The following GPR4 variants were observed in gnomAD, a reference collection of about 807,000 sequenced individuals.
GPR4 encodes the protein G protein-coupled receptor 4.
GPR4 carries 11 observed loss-of-function variants against 17.8 expected under a neutral mutation model. The ratio of observed to expected loss-of-function variants is 0.62; its 90% confidence interval spans 0.39 to 1.02. The LOEUF is 1.02. Ranked by LOEUF, GPR4 falls within the 50% of genes least tolerant of loss-of-function variation. The probability of loss-of-function intolerance (pLI) is 0.00; values close to 1 mark genes in which losing one functional copy is unlikely to be tolerated. For synonymous variants in GPR4, 219 were observed against 222.8 expected, an observed-to-expected ratio of 0.98 and a Z score of 0.15; for missense variants, 364 against 495.4, an observed-to-expected ratio of 0.73 and a Z score of 2.52.
At position 45,592,078 on chromosome 19, in the gene GPR4, A is replaced by C. The variant is rs11881023; in HGVS notation, c.-212T>G. The C allele has an allele frequency of 5.7e-4, 291 of 509,682 alleles. 2 individuals are homozygous for C. Among genetic ancestry groups the C allele is most frequent in the African/African-American group, 4.7e-3 (240 of 50,550 alleles). 31.6% of individuals were successfully genotyped at this position (509,682 alleles called of 1,614,324 possible). On this transcript the variant is annotated 5_prime_UTR_variant, in exon 2 of 2. It adds an upstream start codon to the 5' untranslated region. Transcript: ENST00000323040. ...GAGGGAAAAGTTGGAGGAGGGATGG[A>C]ATTATGACAGGAGGGAAGTCTGGAG...
In GPR4 at chr19:45,591,507, G is replaced by A. The variant is rs1969994933; in HGVS notation, c.360C>T (p.Ala120=). 1.2e-6 allele frequency: 2 copies of A among 1,612,712 alleles called. No homozygotes were observed. Among genetic ancestry groups the A allele is most frequent in the Non-Finnish European group, 1.7e-6 (2 of 1,179,502 alleles). The change falls in exon 2 of 2, where the codon GCC becomes GCT. Residue 120 remains alanine (A), a synonymous_variant. Coordinates refer to ENST00000323040, the MANE Select transcript of GPR4 (RefSeq NM_005282.3). This position sits in a 1 kb window ranked among gnomAD's most constrained non-coding sequence, Gnocchi z 7.6. ...GCAGGCGGGCGAAGCGGAGTGGGTG[G>A]GCCACAGCCAGGTAGCGGTCCACCG... ...CISVDRYLAV[A]HPLRFARLRR... is the part of the protein sequence containing the mutation.
At position 45,591,564 on chromosome 19, in the gene GPR4, G is replaced by A. The variant is rs1412242479; in HGVS notation, c.303C>T (p.Ile101=). Residue 101 remains isoleucine (I), a synonymous_variant, in exon 2 of 2, where the codon ATC becomes ATT. Coordinates refer to ENST00000323040, the MANE Select transcript of GPR4 (RefSeq NM_005282.3). The surrounding 1 kb of genome is among the most constrained non-coding windows in gnomAD (Gnocchi z 7.6). The stretch of plus-strand genomic sequence containing the variant: ...AGCACAGGAAGGCGATGCTGATGTA[G>A]ATATTGGTGTAGAAGATGAACCCAA... ...KLFGFIFYTN[I]YISIAFLCCI... is the part of the protein sequence containing the mutation. 1 of 1,614,012 alleles carries A rather than the reference G, an allele frequency of 6.2e-7. No individual in the cohort carries two copies. The highest frequency in any genetic ancestry group is 1.7e-5 in the Admixed American group (1 of 60,010).
chr19:45,600,865 C>T (rs1319689187), intron 1 of GPR4, among the ~76,000 whole-genome samples: 2 of 152,160 alleles, frequency 1.3e-5, no homozygotes, highest in Admixed American at 1.3e-4. Flanking sequence ...ATCTGGAATT[C>T]CCAGGCCTCC....
chr19:45,596,422 C>T (rs975287735), intron 1 of GPR4, among the ~76,000 whole-genome samples: 2 of 152,136 alleles, frequency 1.3e-5, no homozygotes, highest in African/African-American at 4.8e-5. Context: ...TGAGGCTGGT[C>T]TCGAACTCCT....
At chr19:45,601,775 G>T (rs1412668739) in intron 1 of GPR4, among the ~76,000 whole-genome samples, 1 of 152,026 alleles carries the variant, frequency 6.6e-6, no homozygotes, top group Non-Finnish European at 1.5e-5. Flanking sequence ...AGGGGCAGAG[G>T]GAGGTGGGAC....
chr19:45,589,931 C>A lies in GPR4; in HGVS notation c.*847G>T. 1 of 152,436 alleles carries A rather than the reference C, an allele frequency of 6.6e-6. No homozygotes were observed. The allele number at this position is 152,436 out of a possible 1,614,324, so 9.4% of individuals were successfully genotyped here. A position where few individuals can be genotyped will look rare whatever the true frequency, so the allele number is the denominator to read the frequency against. ...GAATAAATACCCTTTCTTCTTGTCC[C>A]ACACCTTCTTCCCAAACCTTCTGGC... On this transcript the variant is annotated 3_prime_UTR_variant, in exon 2 of 2. Coordinates refer to ENST00000323040, the MANE Select transcript of GPR4 (RefSeq NM_005282.3).
Position 45,591,297 on chromosome 19 carries a change from G to A in GPR4, c.570C>T (p.Phe190=). Residue 190 remains phenylalanine (F), a synonymous_variant, in exon 2 of 2, where the codon TTC becomes TTT. Transcript: ENST00000323040. The surrounding 1 kb of genome is among the most constrained non-coding windows in gnomAD (Gnocchi z 7.6). The part of the protein sequence containing the change: ...WMNLYRVFVG[F]LFPWALMLLS... ...GCAGCATGAGCGCCCACGGGAAGAG[G>A]AAGCCCACGAACACCCGATAGAGGT... 3 of 1,612,890 alleles carry A rather than the reference G, an allele frequency of 1.9e-6. No individual in the cohort carries two copies. The highest frequency in any genetic ancestry group is 2.5e-6 in the Non-Finnish European group (3 of 1,179,830).
At chr19:45,596,956 A>G (rs1970064356) in intron 1 of GPR4, among the ~76,000 whole-genome samples, 1 of 152,226 alleles carries the variant, frequency 6.6e-6, no homozygotes, top group South Asian at 2.1e-4. Context: ...CTGCTGGGGC[A>G]GCCTAGCCAA....
In GPR4 at chr19:45,596,550, T is replaced by TTTTC. The variant is rs368380974; in HGVS notation, c.-831-3857_-831-3854dup. On this transcript the variant is annotated intron_variant, in intron 1 of 1. Coordinates refer to ENST00000323040, the MANE Select transcript of GPR4 (RefSeq NM_005282.3). ...ATCAGCTCTTTCTTTTCTTCTTTTC[T>TTTTC]TTTCTTTCTTTCTTTCTTTTTTTTG... Among the ~76,000 whole-genome samples, 5 of 151,768 alleles carry TTTTC rather than the reference T, an allele frequency of 3.3e-5. No homozygotes were observed. In the South Asian group the frequency reaches 1.0e-3, roughly 32 times the overall value.
intron 1 of GPR4, among the ~76,000 whole-genome samples, chr19:45,594,727 A>G (rs1970039655): frequency 6.9e-6 from 1 of 144,716 alleles, no homozygotes; most frequent in Admixed American, 6.9e-5. Flanking sequence ...TCATGCCTGT[A>G]ATCCCAGCAC....
At chr19:45,597,577 T>C (rs1288236978) in intron 1 of GPR4, among the ~76,000 whole-genome samples, 1 of 152,170 alleles carries the variant, frequency 6.6e-6, no homozygotes, top group Non-Finnish European at 1.5e-5. Context: ...AGGCCCAGCA[T>C]ACAGTAGGTG....
intron 1 of GPR4, among the ~76,000 whole-genome samples, chr19:45,599,914 A>G (rs944005241): frequency 1.6e-4 from 24 of 152,276 alleles, no homozygotes; most frequent in Middle Eastern, 3.4e-3. Context: ...TATGACTTTC[A>G]TAATCTATTA....
rs72050823 is a variant in GPR4 at position 45,595,275 on chromosome 19, CTAAATAAATAAA to C, written c.-831-2590_-831-2579del. ...TGGGCAACAAGAGCGAACTCCATCT[CTAAATAAATAAA>C]TAAATAAATAAATAAATAAATAAAT... On this transcript the variant is annotated intron_variant, in intron 1 of 1. Coordinates refer to ENST00000323040, the MANE Select transcript of GPR4 (RefSeq NM_005282.3). 4.4e-3 allele frequency among the ~76,000 whole-genome samples: 602 copies of C among 138,348 alleles called. 5 individuals carry two copies. Among genetic ancestry groups the C allele is most frequent in the African/African-American group, 0.013 (484 of 37,704 alleles). 90.8% of individuals were successfully genotyped at this position (138,348 alleles called of 152,430 possible).
chr19:45,590,430 C>A lies in GPR4; in HGVS notation c.*348G>T. 1 of 222,012 alleles carries A rather than the reference C, an allele frequency of 4.5e-6. No homozygotes were observed. Among genetic ancestry groups the A allele is most frequent in the Non-Finnish European group, 8.8e-6 (1 of 113,910 alleles). The allele number at this position is 222,012 out of a possible 1,614,324, so 13.8% of individuals were successfully genotyped here. A position where few individuals can be genotyped will look rare whatever the true frequency, so the allele number is the denominator to read the frequency against. ...GCTCACATTTGTGGTCCCAGCTACT[C>A]GGGAGGCTGATGTGGGAAGATCGCT... is the stretch of plus-strand genomic sequence containing the variant. On this transcript the variant is annotated 3_prime_UTR_variant, in exon 2 of 2. Transcript: ENST00000323040.
chr19:45,598,407 G>A (rs539153868), intron 1 of GPR4, among the ~76,000 whole-genome samples: 1 of 151,836 alleles, frequency 6.6e-6, no homozygotes, highest in African/African-American at 2.4e-5. Flanking sequence ...ACCTAACTCG[G>A]GTACCCGGGC....
At chr19:45,596,486 T>C (rs1298075776) in intron 1 of GPR4, among the ~76,000 whole-genome samples, 1 of 152,156 alleles carries the variant, frequency 6.6e-6, no homozygotes, top group Non-Finnish European at 1.5e-5. Context: ...ATTACAGGCG[T>C]GAGCCACCGC....
At chr19:45,593,767 A>G (rs1970023312) in intron 1 of GPR4, among the ~76,000 whole-genome samples, 1 of 151,944 alleles carries the variant, frequency 6.6e-6, no homozygotes. Flanking sequence ...CCAGCCTCCC[A>G]CTCCTTACCC....
In GPR4 at chr19:45,591,560, T is replaced by C; in HGVS notation, c.307A>G (p.Ile103Val). 1 of 1,611,200 alleles carries C rather than the reference T, an allele frequency of 6.2e-7. No individual in the cohort carries two copies. Among genetic ancestry groups the C allele is most frequent in the Admixed American group, 1.7e-5 (1 of 59,628 alleles). ...ATGCAGCACAGGAAGGCGATGCTGA[T>C]GTAGATATTGGTGTAGAAGATGAAC... The part of the protein sequence containing the change: ...FGFIFYTNIY[I>V]SIAFLCCISV... The change falls in exon 2 of 2, where the codon ATC becomes GTC. Residue 103 changes from isoleucine to valine, a missense_variant. Transcript: ENST00000323040. This position sits in a 1 kb window ranked among gnomAD's most constrained non-coding sequence, Gnocchi z 7.6.
chr19:45,594,667 T>C (rs868178208), intron 1 of GPR4, among the ~76,000 whole-genome samples: 5 of 152,164 alleles, frequency 3.3e-5, no homozygotes, highest in Non-Finnish European at 7.3e-5. Context: ...ATCTCCAGCC[T>C]GTGCTTCAGT....
Sources: gnomAD v4.1 joint callset for allele counts (sites outside exome capture counted in the v4.1 genomes callset) on GRCh38, gnomAD v4.1.1 for gene constraint, Gnocchi (gnomAD v3.1) non-coding constraint, MANE v1.5 for transcripts, NCBI Gene and HGNC (gene_info 2026-07-23, HGNC 2026-07-21) for gene names.